Variants in NRP1 observed in about 807,000 individuals in gnomAD.
The protein encoded by NRP1 is neuropilin 1, also known as neuropilin-1.
Under a neutral mutation model 106.7 loss-of-function variants are expected in NRP1, and 35 were observed. That is an observed-to-expected ratio of 0.33 (90% CI 0.25 to 0.43). The LOEUF (loss-of-function observed/expected upper bound fraction) is 0.43. NRP1 is among the 20% of genes least tolerant of loss of function. The pLI, the probability that NRP1 is intolerant of heterozygous loss-of-function variation, is 1.00. For synonymous variants in NRP1, 437 were observed against 417.9 expected (o/e 1.05, Z -0.56); for missense variants, 1,024 against 1,170.4 (o/e 0.87, Z 1.83).
At chr10:33,229,345 A>C (rs1839923803) in intron 6 of NRP1, among the ~76,000 whole-genome samples, 1 of 152,228 alleles carries the variant, frequency 6.6e-6, no homozygotes, top group Non-Finnish European at 1.5e-5. Flanking sequence ...GCTCTGAACA[A>C]TGTTAACTGT....
chr10:33,275,863 T>C (rs188568373), intron 2 of NRP1, among the ~76,000 whole-genome samples: 103 of 152,178 alleles, frequency 6.8e-4, no homozygotes, highest in African/African-American at 2.3e-3. Context: ...TGAGCTGTGA[T>C]TGTGTTACTG....
intron 9 of NRP1, among the ~76,000 whole-genome samples, chr10:33,209,295 A>T (rs943701062): frequency 6.6e-6 from 1 of 152,202 alleles, no homozygotes; most frequent in East Asian, 1.9e-4. Context: ...TAAATTCTGT[A>T]TTATGGTCCT....
At chr10:33,308,337 C>A (rs1366991298) in intron 2 of NRP1, among the ~76,000 whole-genome samples, 1 of 150,704 alleles carries the variant, frequency 6.6e-6, no homozygotes, top group Non-Finnish European at 1.5e-5. Context: ...TATAACAAAC[C>A]TGTACACGTA....
chr10:33,320,284 G>C (rs1191603652), intron 2 of NRP1, among the ~76,000 whole-genome samples: 1 of 150,872 alleles, frequency 6.6e-6, no homozygotes, highest in Non-Finnish European at 1.5e-5. Flanking sequence ...CTGCACTCCA[G>C]CCTGGCGATG....
At chr10:33,324,686 G>T (rs934633294) in intron 2 of NRP1, among the ~76,000 whole-genome samples, 2 of 152,158 alleles carry the variant, frequency 1.3e-5, no homozygotes, top group African/African-American at 4.8e-5. Flanking sequence ...GCCCAGGCTG[G>T]AGTGCAATGG....
At chr10:33,270,555 G>C in intron 3 of NRP1, 120 bp downstream of exon 3, 1 of 764,180 alleles carries the variant, frequency 1.3e-6, no homozygotes, top group South Asian at 2.7e-5. Flanking sequence ...TTGAATTCCT[G>C]AGCTCAAGTG....
chr10:33,234,584 C>T lies in NRP1; in HGVS notation c.982-8295G>A, dbSNP rs72790216. Among the ~76,000 whole-genome samples the T allele has an allele frequency of 8.2e-3, 1,239 of 151,950 alleles. 10 individuals carry two copies. The highest frequency in any genetic ancestry group is 0.014 in the Non-Finnish European group (974 of 67,992). ...TTTGCAAATAATTTATTCATGCTGT[C>T]GAAAAACAAAATGGTAGCAACGAAA... is the stretch of plus-strand genomic sequence containing the variant. On this transcript the variant is annotated intron_variant, in intron 6 of 16. Transcript: ENST00000374867.
chr10:33,200,371 G>A (rs1477903591), intron 11 of NRP1, among the ~76,000 whole-genome samples: 1 of 152,156 alleles, frequency 6.6e-6, no homozygotes, highest in Non-Finnish European at 1.5e-5. Context: ...TTGGCTAGCA[G>A]GTCTGGGAGA....
At chr10:33,244,784 C>T (rs1324511899) in intron 6 of NRP1, among the ~76,000 whole-genome samples, 1 of 152,028 alleles carries the variant, frequency 6.6e-6, no homozygotes, top group African/African-American at 2.4e-5. Flanking sequence ...CACATAAAAA[C>T]AAAACTAGGT....
intron 6 of NRP1, among the ~76,000 whole-genome samples, chr10:33,245,457 C>A (rs1199896973): frequency 6.6e-6 from 1 of 152,208 alleles, no homozygotes; most frequent in Non-Finnish European, 1.5e-5. Context: ...AGAAACCCTG[C>A]TCTAGATGTA....
intron 6 of NRP1, among the ~76,000 whole-genome samples, chr10:33,230,599 G>A (rs200548931): frequency 1.6e-4 from 3 of 18,324 alleles, no homozygotes; most frequent in Non-Finnish European, 1.6e-4. Context: ...TCTCATATAT[G>A]TGTGTGTGTG....
In NRP1 at chr10:33,254,211, G is replaced by A. The variant is rs754328608; in HGVS notation, c.815-17C>T. The A allele has an allele frequency of 2.5e-6, 4 of 1,588,344 alleles. No individual in the cohort carries two copies. The highest frequency in any genetic ancestry group is 3.4e-6 in the Non-Finnish European group (4 of 1,171,764). ...ATTTGAAATCTGAAGGGAAAAACAG[G>A]GCCCACAGTCATCAAAATATAGGGG... On this transcript the variant is annotated splice_polypyrimidine_tract_variant and intron_variant, in intron 5 of 16. Coordinates refer to ENST00000374867, the MANE Select transcript of NRP1 (RefSeq NM_003873.7).
chr10:33,227,965 T>A (rs530682450), intron 6 of NRP1, among the ~76,000 whole-genome samples: 1 of 60,088 alleles, frequency 1.7e-5, no homozygotes, highest in Non-Finnish European at 3.3e-5. Flanking sequence ...GTAGAGTAGG[T>A]TTTTTTTTCT....
intron 2 of NRP1, among the ~76,000 whole-genome samples, chr10:33,298,324 TG>T (rs1299796372): frequency 2.0e-5 from 3 of 152,122 alleles, no homozygotes; most frequent in Non-Finnish European, 4.4e-5. Flanking sequence ...ATCGGAAGAA[TG>T]GGCTGTACAC....
chr10:33,196,442 A>G (rs1223159737), intron 12 of NRP1, among the ~76,000 whole-genome samples: 4 of 152,236 alleles, frequency 2.6e-5, no homozygotes, highest in Admixed American at 2.0e-4. Flanking sequence ...CAGGAAAGGT[A>G]CAAAGAAAAG....
intron 2 of NRP1, among the ~76,000 whole-genome samples, chr10:33,282,219 C>A (rs931924877): frequency 1.3e-5 from 2 of 151,770 alleles, no homozygotes; most frequent in African/African-American, 4.8e-5. Context: ...GTGCTATTAG[C>A]GTGCAGCACT....
At chr10:33,186,531 A>G in intron 13 of NRP1, 43 bp from the exon 14 acceptor site, 3 of 1,562,470 alleles carry the variant, frequency 1.9e-6, no homozygotes, top group Non-Finnish European at 2.6e-6. Context: ...GGCCAGGATT[A>G]CCACACTTTT....
rs959128648 is a variant in NRP1 at position 33,256,532 on chromosome 10, A to G, written c.659-61T>C. ...CTTTTCTCCTGCAGCAGATGCAAGA[A>G]TTAGCATTTACAAAGATGGGCCCCA... On this transcript the variant is annotated intron_variant, in intron 4 of 16. Transcript: ENST00000374867. The G allele has an allele frequency of 2.5e-6, 4 of 1,581,772 alleles. No homozygotes were observed. The Admixed American group carries it at 5.0e-5, about 20-fold the overall frequency.
intron 6 of NRP1, among the ~76,000 whole-genome samples, chr10:33,230,277 G>A (rs1458564810): frequency 6.6e-6 from 1 of 152,202 alleles, no homozygotes; most frequent in African/African-American, 2.4e-5. Context: ...GTCTGTGTCA[G>A]GAGACCTAGA....
Sources: allele counts gnomAD v4.1 joint callset (sites outside exome capture counted in the v4.1 genomes callset), GRCh38; gene constraint gnomAD v4.1.1; transcripts MANE v1.5; gene names NCBI Gene and HGNC (gene_info 2026-07-23, HGNC 2026-07-21).